The following KIAA1217 variants were observed in gnomAD, a reference collection of about 807,000 sequenced individuals.
KIAA1217 encodes sickle tail protein homolog.
KIAA1217 carries 88 observed loss-of-function variants against 163.9 expected under a neutral mutation model. That is an observed-to-expected ratio of 0.54 (90% confidence interval 0.45 to 0.64). The LOEUF is 0.64. KIAA1217 is among the 30% of genes least tolerant of loss of function. The probability of loss-of-function intolerance (pLI) is 0.00; values close to 1 mark genes in which losing one functional copy is unlikely to be tolerated. For synonymous variants in KIAA1217, 903 were observed against 923.1 expected, an observed-to-expected ratio of 0.98 and a Z score of 0.39; for missense variants, 2,372 against 2,475.0, an observed-to-expected ratio of 0.96 and a Z score of 0.88.
At chr10:23,982,137 C>T (rs1342035111) in intron 1 of KIAA1217, among the ~76,000 whole-genome samples, 1 of 151,904 alleles carries the variant, frequency 6.6e-6, no homozygotes, top group Non-Finnish European at 1.5e-5. Flanking sequence ...CCCCTAGTGA[C>T]ATAGTGCAGT....
Position 24,532,000 on chromosome 10 carries a change from T to C in KIAA1217, c.3246+7T>C, listed in dbSNP as rs746523272. On this transcript the variant is annotated splice_region_variant and intron_variant, in intron 15 of 20. Coordinates refer to ENST00000376454, the MANE Select transcript of KIAA1217 (RefSeq NM_019590.5). ...GGAGAACATCACCGCTAAGGTCTGA[T>C]AGGCTAAGCCCTGGTAAACTGGCCT... 39 of 1,533,674 alleles carry C rather than the reference T, an allele frequency of 2.5e-5. No homozygotes were observed. The Admixed American group carries it at 6.6e-4, about 26-fold the overall frequency.
At chr10:23,980,912 T>A (rs1488776442) in intron 1 of KIAA1217, among the ~76,000 whole-genome samples, 1 of 152,212 alleles carries the variant, frequency 6.6e-6, no homozygotes, top group African/African-American at 2.4e-5. Flanking sequence ...GAAATAGAGA[T>A]CAATGGGTGT....
At chr10:24,493,265 G>A (rs2066376995) in intron 6 of KIAA1217, among the ~76,000 whole-genome samples, 1 of 152,236 alleles carries the variant, frequency 6.6e-6, no homozygotes. Context: ...AGAGGCCTGT[G>A]GGACTGAGAT....
chr10:24,100,832 A>G (rs921016654), intron 2 of KIAA1217, among the ~76,000 whole-genome samples: 1 of 152,220 alleles, frequency 6.6e-6, no homozygotes, highest in Non-Finnish European at 1.5e-5. Context: ...TAGAGAAATT[A>G]GATATTGTTT....
intron 3 of KIAA1217, among the ~76,000 whole-genome samples, chr10:24,427,658 T>C (rs1394900176): frequency 6.6e-6 from 1 of 152,178 alleles, no homozygotes; most frequent in Non-Finnish European, 1.5e-5. Context: ...AATGCATTTC[T>C]CTCATCCTCA....
chr10:24,277,120 C>T (rs1241621470), intron 2 of KIAA1217, among the ~76,000 whole-genome samples: 2 of 152,112 alleles, frequency 1.3e-5, no homozygotes, highest in African/African-American at 2.4e-5. Context: ...GAATCATGTC[C>T]CTAGTTTTAT....
chr10:23,872,440 T>C (rs1004361253), intron 1 of KIAA1217, among the ~76,000 whole-genome samples: 1 of 152,084 alleles, frequency 6.6e-6, no homozygotes, highest in Non-Finnish European at 1.5e-5. Flanking sequence ...CTAAGCATGC[T>C]GTTTGCATCT....
chr10:24,427,589 C>G lies in KIAA1217; in HGVS notation c.554-5406C>G, dbSNP rs79545999. On this transcript the variant is annotated intron_variant, in intron 3 of 20. Transcript: ENST00000376454. ...CATAGTATCCATCTGACAAGAGATACTGTGCTGATGAGATGAAATACATAC... is the reference window on the plus strand; with the variant it reads ...CATAGTATCCATCTGACAAGAGATAGTGTGCTGATGAGATGAAATACATAC... 7.8e-3 allele frequency among the ~76,000 whole-genome samples: 1,192 copies of G among 152,308 alleles called. 20 individuals are homozygous for G. The highest frequency in any genetic ancestry group is 0.027 in the African/African-American group (1,139 of 41,564).
At chr10:24,414,806 T>G (rs2058093718) in intron 3 of KIAA1217, among the ~76,000 whole-genome samples, 1 of 152,174 alleles carries the variant, frequency 6.6e-6, no homozygotes, top group Non-Finnish European at 1.5e-5. Context: ...ATCTTGTGGT[T>G]GAGAACAGAA....
rs1564772092 is a variant in KIAA1217 at position 24,160,492 on chromosome 10, AT to A, written c.-170-59127del. Among the ~76,000 whole-genome samples, 5 of 152,078 alleles carry A rather than the reference AT, an allele frequency of 3.3e-5. No individual in the cohort carries two copies. The South Asian group carries it at 1.0e-3, about 32-fold the overall frequency. On this transcript the variant is annotated intron_variant, in intron 2 of 18. Transcript: ENST00000376462. ...AAGTTTTGGATGCTATATGAATGGT[AT>A]TTTTTTCTTAATTTCAATTTTCAAC...
At chr10:24,115,916 G>T (rs1007515610) in intron 2 of KIAA1217, among the ~76,000 whole-genome samples, 20 of 152,128 alleles carry the variant, frequency 1.3e-4, no homozygotes, top group African/African-American at 4.8e-4. Flanking sequence ...TTTGCTGATG[G>T]TCTCAGTCCG....
chr10:24,290,465 C>T (rs539344431), intron 2 of KIAA1217, among the ~76,000 whole-genome samples: 26 of 151,934 alleles, frequency 1.7e-4, no homozygotes, highest in African/African-American at 6.0e-4. Context: ...TATCTGCAAA[C>T]ATTACCTGTC....
intron 2 of KIAA1217, among the ~76,000 whole-genome samples, chr10:24,031,496 C>T (rs1027541417): frequency 3.9e-5 from 6 of 152,152 alleles, no homozygotes; most frequent in African/African-American, 1.4e-4. Context: ...GACAGGGTTT[C>T]ACCATGTTGC....
intron 1 of KIAA1217, among the ~76,000 whole-genome samples, chr10:23,798,842 A>AT: frequency 6.6e-6 from 1 of 152,316 alleles, no homozygotes; most frequent in East Asian, 1.9e-4. Context: ...AGGATGAGAG[A>AT]TGGTGCCAGA....
intron 2 of KIAA1217, among the ~76,000 whole-genome samples, chr10:24,198,495 G>C (rs958679443): frequency 6.6e-6 from 1 of 151,480 alleles, no homozygotes; most frequent in African/African-American, 2.4e-5. Flanking sequence ...TATAATCCCA[G>C]CTATTTGGAT....
intron 1 of KIAA1217, among the ~76,000 whole-genome samples, chr10:23,992,106 A>G (rs1034169618): frequency 6.6e-6 from 1 of 152,176 alleles, no homozygotes; most frequent in African/African-American, 2.4e-5. Flanking sequence ...TAACACCATA[A>G]AAGAATACTC....
intron 1 of KIAA1217, among the ~76,000 whole-genome samples, chr10:23,986,763 A>G (rs1470112466): frequency 6.6e-6 from 1 of 152,224 alleles, no homozygotes; most frequent in Non-Finnish European, 1.5e-5. Flanking sequence ...CTTTGAAAAT[A>G]TCTACAGACT....
intron 2 of KIAA1217, among the ~76,000 whole-genome samples, chr10:24,026,882 A>G (rs1182062021): frequency 6.6e-6 from 1 of 151,454 alleles, no homozygotes; most frequent in Non-Finnish European, 1.5e-5. Flanking sequence ...GGTATAAGCT[A>G]TATAATATCA....
At chr10:24,333,134 G>T (rs1348068658) in intron 2 of KIAA1217, among the ~76,000 whole-genome samples, 2 of 151,986 alleles carry the variant, frequency 1.3e-5, no homozygotes, top group African/African-American at 4.8e-5. Context: ...CAATTCTCCT[G>T]CCTCAGTCTC....
Sources: allele counts gnomAD v4.1 joint callset (sites outside exome capture counted in the v4.1 genomes callset), GRCh38; gene constraint gnomAD v4.1.1; transcripts MANE v1.5; gene names NCBI Gene and HGNC (gene_info 2026-07-23, HGNC 2026-07-21).